Variants in C2CD5 observed in about 807,000 individuals in gnomAD.
C2CD5 encodes the protein C2 calcium dependent domain containing 5, also known as C2 domain-containing protein 5.
A neutral mutation model predicts 130.3 loss-of-function variants in C2CD5; 109 were observed. That is an observed-to-expected ratio of 0.84 (90% confidence interval 0.72 to 0.98). The LOEUF is 0.98. C2CD5 is among the 50% of genes least tolerant of loss of function. The pLI, the probability that C2CD5 is intolerant of heterozygous loss-of-function variation, is 0.00. For synonymous variants in C2CD5, 454 were observed against 429.2 expected (o/e 1.06, Z -0.71); for missense variants, 996 against 1,261.8 (o/e 0.79, Z 3.19).
intron 3 of C2CD5, among the ~76,000 whole-genome samples, chr12:22,532,330 CAAA>C (rs200592425): frequency 7.6e-6 from 1 of 131,492 alleles, no homozygotes; most frequent in Non-Finnish European, 1.7e-5. Flanking sequence ...AACTCCGTCT[CAAA>C]AAAAAAAAAA....
chr12:22,483,988 C>A (rs915483039), intron 13 of C2CD5, among the ~76,000 whole-genome samples: 2 of 152,052 alleles, frequency 1.3e-5, no homozygotes, highest in Non-Finnish European at 2.9e-5. Context: ...ACACATAGAT[C>A]TATATAAGTT....
chr12:22,505,924 T>G (rs1206947221), intron 10 of C2CD5, among the ~76,000 whole-genome samples: 1 of 143,722 alleles, frequency 7.0e-6, no homozygotes, highest in Non-Finnish European at 1.6e-5. Context: ...TTGTTGCCCA[T>G]GCTGGATTCC....
At chr12:22,490,309 ATTTAAG>A in intron 11 of C2CD5, 91 bp from the exon 12 acceptor site, 1 of 844,922 alleles carries the variant, frequency 1.2e-6, no homozygotes, top group Non-Finnish European at 1.9e-6. Flanking sequence ...AACAGTGACA[ATTTAAG>A]TTCAAGTTAG....
chr12:22,465,053 C>T (rs886339641), intron 22 of C2CD5, among the ~76,000 whole-genome samples: 4 of 152,084 alleles, frequency 2.6e-5, no homozygotes, highest in Non-Finnish European at 5.9e-5. Context: ...TTCTAGCCTA[C>T]AATAAAAAAC....
chr12:22,543,151 T>C (rs989301505), intron 2 of C2CD5, among the ~76,000 whole-genome samples: 2 of 152,218 alleles, frequency 1.3e-5, no homozygotes. Context: ...TATTATGATA[T>C]ATCTATCCAT....
At chr12:22,488,316 A>T (rs550000555) in intron 12 of C2CD5, among the ~76,000 whole-genome samples, 1 of 152,226 alleles carries the variant, frequency 6.6e-6, no homozygotes. Flanking sequence ...TACAAAGCAT[A>T]TAAGAATTTG....
chr12:22,449,933 A>G (rs1040782867), intron 26 of C2CD5, 42 bp from the exon 27 acceptor site: 1 of 1,530,568 alleles, frequency 6.5e-7, no homozygotes, highest in Non-Finnish European at 9.0e-7. Flanking sequence ...TATACTCAAC[A>G]CATTCATACT....
intron 16 of C2CD5, among the ~76,000 whole-genome samples, chr12:22,473,874 C>T (rs186251145): frequency 7.9e-5 from 12 of 152,226 alleles, no homozygotes; most frequent in Admixed American, 6.5e-4. Flanking sequence ...AGATATTTTC[C>T]ATGACATATT....
At chr12:22,501,149 T>C (rs574987428) in intron 10 of C2CD5, among the ~76,000 whole-genome samples, 1 of 152,322 alleles carries the variant, frequency 6.6e-6, no homozygotes, top group East Asian at 1.9e-4. Flanking sequence ...AGATTCTAAT[T>C]AATCAAAAGC....
intron 22 of C2CD5, among the ~76,000 whole-genome samples, chr12:22,468,583 C>T (rs551204718): frequency 6.6e-6 from 1 of 152,288 alleles, no homozygotes; most frequent in South Asian, 2.1e-4. Context: ...AATCTGAACT[C>T]ACATTACCTT....
chr12:22,453,414 C>T (rs1357326472), intron 26 of C2CD5, among the ~76,000 whole-genome samples: 2 of 152,080 alleles, frequency 1.3e-5, no homozygotes, highest in Non-Finnish European at 2.9e-5. Flanking sequence ...TATCTTAACA[C>T]AAAATTTAGA....
intron 9 of C2CD5, among the ~76,000 whole-genome samples, chr12:22,508,435 CTTCT>C (rs1419512071): frequency 1.3e-5 from 2 of 152,102 alleles, no homozygotes; most frequent in Admixed American, 6.5e-5. Context: ...TCCATTTAAA[CTTCT>C]TTTTCTGTCC....
intron 12 of C2CD5, 36 bp downstream of exon 12, chr12:22,490,087 G>T: frequency 1.3e-6 from 2 of 1,493,468 alleles, no homozygotes; most frequent in African/African-American, 1.4e-5. Flanking sequence ...TCCCTTCTCT[G>T]CCCTTATAGA....
At chr12:22,527,039 T>C (rs1255844279) in intron 4 of C2CD5, among the ~76,000 whole-genome samples, 2 of 152,202 alleles carry the variant, frequency 1.3e-5, no homozygotes, top group African/African-American at 2.4e-5. Flanking sequence ...TGCAATGGCA[T>C]GTGCCTGCAA....
chr12:22,512,581 C>A, intron 9 of C2CD5: 4 of 1,112,084 alleles, frequency 3.6e-6, no homozygotes, highest in South Asian at 1.6e-5. Context: ...ATTTAAATGA[C>A]CAAGATTAAA....
intron 12 of C2CD5, among the ~76,000 whole-genome samples, chr12:22,488,635 T>C (rs1350444722): frequency 5.9e-5 from 9 of 152,086 alleles, no homozygotes; most frequent in Admixed American, 3.9e-4. Flanking sequence ...TACAACTCAC[T>C]GACAAAGAGA....
chr12:22,524,676 ATTTTT>A (rs1269160888), intron 5 of C2CD5, 49 bp from the exon 6 acceptor site: 1 of 1,457,702 alleles, frequency 6.9e-7, no homozygotes, highest in Non-Finnish European at 9.5e-7. Context: ...GTAAAACTCA[ATTTTT>A]AAAAAATGTA....
chr12:22,461,870 T>C (rs540475800), intron 22 of C2CD5, among the ~76,000 whole-genome samples: 263 of 152,270 alleles, frequency 1.7e-3, no homozygotes, highest in Non-Finnish European at 2.9e-3. Context: ...CAGGTTCATC[T>C]TTTAACATGC....
intron 17 of C2CD5, 122 bp downstream of exon 17, chr12:22,472,622 A>G: frequency 1.3e-6 from 1 of 750,860 alleles, no homozygotes; most frequent in Non-Finnish European, 2.4e-6. Context: ...AGCAAAGTAC[A>G]TGACAAGCTG....
Sources: allele counts gnomAD v4.1 joint callset (sites outside exome capture counted in the v4.1 genomes callset), GRCh38; gene constraint gnomAD v4.1.1; transcripts MANE v1.5; gene names NCBI Gene and HGNC (gene_info 2026-07-23, HGNC 2026-07-21).